The following CTNNBIP1 variants were observed in gnomAD, a reference collection of about 807,000 sequenced individuals.
CTNNBIP1 encodes the protein catenin beta interacting protein 1.
A neutral mutation model predicts 11.8 loss-of-function variants in CTNNBIP1; 7 were observed. The observed-to-expected ratio is 0.60, with a 90% CI of 0.34 to 1.12. The LOEUF is 1.12. Among genes scored for constraint, CTNNBIP1 ranks in the 50% most tolerant of loss-of-function variants. CTNNBIP1 has a pLI of 0.03. For missense variants in CTNNBIP1, 101 were observed against 113.4 expected, an observed-to-expected ratio of 0.89 and a Z score of 0.50; for synonymous variants, 58 against 43.9, an observed-to-expected ratio of 1.32 and a Z score of -1.26.
intron 5 of CTNNBIP1, among the ~76,000 whole-genome samples, chr1:9,858,227 T>C (rs1345207248): frequency 6.6e-6 from 1 of 152,178 alleles, no homozygotes; most frequent in Non-Finnish European, 1.5e-5. Context: ...TGGCCCCTGA[T>C]GGTCCATTCT....
chr1:9,855,644 A>G (rs1638485587), intron 5 of CTNNBIP1, among the ~76,000 whole-genome samples: 1 of 152,068 alleles, frequency 6.6e-6, no homozygotes, highest in South Asian at 2.1e-4. Flanking sequence ...TGGATAAATG[A>G]CCTAAATACA....
At position 9,851,867 on chromosome 1, in the gene CTNNBIP1, G is replaced by A. The variant is rs1638394396; in HGVS notation, c.188-1091C>T. Among the ~76,000 whole-genome samples, 1 of 152,204 alleles carries A rather than the reference G, an allele frequency of 6.6e-6. No individual in the cohort carries two copies. Among genetic ancestry groups the A allele is most frequent in the Non-Finnish European group, 1.5e-5 (1 of 68,028 alleles). ...GGAGTTAGGGGCTGACATGGCCAGG[G>A]AGGGGCTGTGGGCCAGGAGGTGACC... On this transcript the variant is annotated intron_variant, in intron 5 of 5. Transcript: ENST00000377263. The surrounding 1 kb of genome is among the most constrained non-coding windows in gnomAD (Gnocchi z 4.8).
At chr1:9,904,017 G>A (rs931064387) in intron 1 of CTNNBIP1, among the ~76,000 whole-genome samples, 2 of 152,112 alleles carry the variant, frequency 1.3e-5, no homozygotes, top group East Asian at 1.9e-4. Context: ...ATAATGGTAC[G>A]TATCTCAGAA....
At chr1:9,853,800 AAAGAT>A (rs1318467364) in intron 5 of CTNNBIP1, among the ~76,000 whole-genome samples, 1 of 152,358 alleles carries the variant, frequency 6.6e-6, no homozygotes. Context: ...AAAAACATTA[AAAGAT>A]AAGGATAGCC....
chr1:9,909,233 C>T (rs559819871), intron 1 of CTNNBIP1, among the ~76,000 whole-genome samples: 205 of 152,360 alleles, frequency 1.3e-3, no homozygotes, highest in African/African-American at 4.7e-3. Context: ...ACATGTTCCT[C>T]TCAGTTCTGT....
intron 5 of CTNNBIP1, among the ~76,000 whole-genome samples, chr1:9,865,465 G>C (rs560025001): frequency 6.6e-6 from 1 of 151,868 alleles, no homozygotes; most frequent in Non-Finnish European, 1.5e-5. Flanking sequence ...TTAGCCAGGC[G>C]TGGTGGCGGG....
chr1:9,863,298 G>C (rs1638671250), intron 5 of CTNNBIP1, among the ~76,000 whole-genome samples: 1 of 152,180 alleles, frequency 6.6e-6, no homozygotes, highest in Non-Finnish European at 1.5e-5. Flanking sequence ...TTTGTTATTA[G>C]GTTACAGGTA....
intron 1 of CTNNBIP1, among the ~76,000 whole-genome samples, chr1:9,909,559 G>A (rs1639689392): frequency 2.0e-5 from 3 of 152,136 alleles, no homozygotes; most frequent in Non-Finnish European, 4.4e-5. Flanking sequence ...TGGGGCTCCA[G>A]GTGGTTAATT....
At chr1:9,909,412 T>A (rs563947945) in intron 1 of CTNNBIP1, among the ~76,000 whole-genome samples, 5 of 152,216 alleles carry the variant, frequency 3.3e-5, no homozygotes, top group African/African-American at 1.2e-4. Flanking sequence ...TCAGACAAGT[T>A]CAGCTCACAA....
At chr1:9,858,985 T>C (rs1164103877) in intron 5 of CTNNBIP1, among the ~76,000 whole-genome samples, 1 of 152,044 alleles carries the variant, frequency 6.6e-6, no homozygotes, top group Non-Finnish European at 1.5e-5. Flanking sequence ...CCATCTTAGT[T>C]CCATCAGAAT....
chr1:9,876,839 TATACATACACAC>T (rs1638977264), intron 3 of CTNNBIP1, among the ~76,000 whole-genome samples: 1 of 111,698 alleles, frequency 9.0e-6, no homozygotes, highest in African/African-American at 4.0e-5. Flanking sequence ...ACACTCCTGC[TATACATACACAC>T]ACACACACAC....
chr1:9,855,108 TA>T (rs1227853900), intron 5 of CTNNBIP1, among the ~76,000 whole-genome samples: 2 of 152,250 alleles, frequency 1.3e-5, no homozygotes, highest in Non-Finnish European at 2.9e-5. Flanking sequence ...ATTCCACTTA[TA>T]ATTGCATTAA....
At chr1:9,882,301 G>C (rs902527033) in intron 2 of CTNNBIP1, among the ~76,000 whole-genome samples, 5 of 152,224 alleles carry the variant, frequency 3.3e-5, no homozygotes, top group African/African-American at 9.6e-5. Context: ...GTGAGCAAAA[G>C]AGCCACGGCT....
rs1309951183 is a variant in CTNNBIP1 at position 9,897,940 on chromosome 1, G to A, written c.-144+12155C>T. Among the ~76,000 whole-genome samples the A allele has an allele frequency of 3.3e-5, 5 of 151,718 alleles. No homozygotes were observed. In the East Asian group the frequency reaches 5.8e-4, roughly 18 times the overall value. ...TCAAGACCAGCCTGGCCAATAGGGC[G>A]AAACCCCGTCTCTACTAAAAAATAC... On this transcript the variant is annotated intron_variant, in intron 1 of 5. Coordinates refer to ENST00000377263, the MANE Select transcript of CTNNBIP1 (RefSeq NM_020248.3).
chr1:9,881,380 C>A (rs1250013322), intron 2 of CTNNBIP1, among the ~76,000 whole-genome samples: 5 of 140,588 alleles, frequency 3.6e-5, no homozygotes, highest in African/African-American at 1.4e-4. Flanking sequence ...TCTCTTATTG[C>A]CCAGGCTGGA....
chr1:9,863,479 C>G (rs1404412543), intron 5 of CTNNBIP1, among the ~76,000 whole-genome samples: 1 of 152,212 alleles, frequency 6.6e-6, no homozygotes, highest in Non-Finnish European at 1.5e-5. Context: ...GAAACCCCAG[C>G]AGATCATCCG....
Position 9,851,373 on chromosome 1 carries a change from T to C in CTNNBIP1, c.188-597A>G, listed in dbSNP as rs113676258. On this transcript the variant is annotated intron_variant, in intron 5 of 5. Coordinates refer to ENST00000377263, the MANE Select transcript of CTNNBIP1 (RefSeq NM_020248.3). The surrounding 1 kb of genome is among the most constrained non-coding windows in gnomAD (Gnocchi z 4.8). ...TTTCTTTTTCTTTTTCCTTTTTCTTTCTTTTTTTTGTGTGTGATATGGAGT... is the reference window on the plus strand; with the variant it reads ...TTTCTTTTTCTTTTTCCTTTTTCTTCCTTTTTTTTGTGTGTGATATGGAGT... Among the ~76,000 whole-genome samples, 693 of 150,486 alleles carry C rather than the reference T, an allele frequency of 4.6e-3. 1 individual carries two copies. The highest frequency in any genetic ancestry group is 0.024 in the Middle Eastern group (7 of 294).
intron 5 of CTNNBIP1, among the ~76,000 whole-genome samples, chr1:9,852,975 G>A (rs935212471): frequency 8.5e-5 from 13 of 152,180 alleles, no homozygotes; most frequent in African/African-American, 2.4e-4. Flanking sequence ...CCTGTCCTGC[G>A]CTCTGAGGGT....
At chr1:9,896,589 T>C (rs1360232632) in intron 1 of CTNNBIP1, among the ~76,000 whole-genome samples, 1 of 150,724 alleles carries the variant, frequency 6.6e-6, no homozygotes, top group Non-Finnish European at 1.5e-5. Context: ...AATCCCAGGA[T>C]TTTGGGAGGC....
Sources: gnomAD v4.1 joint callset for allele counts (sites outside exome capture counted in the v4.1 genomes callset) on GRCh38, gnomAD v4.1.1 for gene constraint, Gnocchi (gnomAD v3.1) non-coding constraint, MANE v1.5 for transcripts, NCBI Gene and HGNC (gene_info 2026-07-23, HGNC 2026-07-21) for gene names.